Variants in POFUT3 observed in about 807,000 individuals in gnomAD.
POFUT3 encodes GDP-fucose protein O-fucosyltransferase 3.
chr8:33,416,847 A>AAAAG, the POFUT3 span, among the ~76,000 whole-genome samples: 26 of 151,652 alleles, frequency 1.7e-4, no homozygotes, highest in East Asian at 3.9e-4. Flanking sequence ...AAAAAAAAAA[A>AAAAG]AAAGAAAGAA....
the POFUT3 span, among the ~76,000 whole-genome samples, chr8:33,418,877 A>G: frequency 2.0e-5 from 3 of 152,194 alleles, no homozygotes; most frequent in African/African-American, 4.8e-5. Context: ...TATACACAAT[A>G]TAATACTATT....
the POFUT3 span, among the ~76,000 whole-genome samples, chr8:33,401,191 C>G: frequency 6.6e-6 from 1 of 152,084 alleles, no homozygotes; most frequent in African/African-American, 2.4e-5. Context: ...CTTTGTTGTC[C>G]AGGCGGCTGG....
At chr8:33,359,765 G>A in the POFUT3 span, among the ~76,000 whole-genome samples, 1 of 152,136 alleles carries the variant, frequency 6.6e-6, no homozygotes, top group Non-Finnish European at 1.5e-5. Context: ...CAGCACTTTG[G>A]GAGGCCGAGG....
the POFUT3 span, among the ~76,000 whole-genome samples, chr8:33,429,720 G>T: frequency 6.6e-6 from 1 of 152,158 alleles, no homozygotes; most frequent in Admixed American, 6.5e-5. Flanking sequence ...AATGGGCCAG[G>T]CATGGTGACT....
At chr8:33,309,161 AAAAAAAATATATAT>A in the POFUT3 span, among the ~76,000 whole-genome samples, 6 of 58,816 alleles carry the variant, frequency 1.0e-4, no homozygotes, top group Non-Finnish European at 1.3e-4. Context: ...AAAAAAAAAA[AAAAAAAATATATAT>A]ATATATATAT....
chr8:33,418,411 CTTTT>C, the POFUT3 span, among the ~76,000 whole-genome samples: 20 of 126,530 alleles, frequency 1.6e-4, no homozygotes, highest in Admixed American at 1.6e-4. Flanking sequence ...AAAGGGAACT[CTTTT>C]TTTTTTTTTT....
chr8:33,372,661 T>C, the POFUT3 span: 1 of 1,614,076 alleles, frequency 6.2e-7, no homozygotes, highest in African/African-American at 1.3e-5. Context: ...CCTGGGCTTC[T>C]TTCTTGGATT....
chr8:33,460,694 C>G, the POFUT3 span: 1 of 981,920 alleles, frequency 1.0e-6, no homozygotes, highest in South Asian at 4.7e-5. Context: ...CAGGAGCTTA[C>G]GAGAATCTCA....
chr8:33,349,391 G>A, the POFUT3 span, among the ~76,000 whole-genome samples: 2 of 152,138 alleles, frequency 1.3e-5, no homozygotes, highest in Non-Finnish European at 2.9e-5. Flanking sequence ...CACCTGACCA[G>A]CGTACGCTGT....
At chr8:33,432,300 G>T in the POFUT3 span, among the ~76,000 whole-genome samples, 1 of 151,704 alleles carries the variant, frequency 6.6e-6, no homozygotes, top group African/African-American at 2.4e-5. Flanking sequence ...CCAGCTACTC[G>T]GGAGGCTGAG....
the POFUT3 span, among the ~76,000 whole-genome samples, chr8:33,465,349 G>C: frequency 6.6e-6 from 1 of 151,080 alleles, no homozygotes; most frequent in African/African-American, 2.5e-5. Flanking sequence ...AGTTCCCAAG[G>C]AAGCTGAGCC....
chr8:33,366,685 G>C, the POFUT3 span, among the ~76,000 whole-genome samples: 4 of 152,128 alleles, frequency 2.6e-5, no homozygotes, highest in Non-Finnish European at 4.4e-5. Flanking sequence ...TTCACTTTTC[G>C]CTTGAAAGCT....
At chr8:33,341,452 G>C in the POFUT3 span, among the ~76,000 whole-genome samples, 1 of 143,410 alleles carries the variant, frequency 7.0e-6, no homozygotes, top group Admixed American at 7.0e-5. Flanking sequence ...AAAAAAAAAA[G>C]AAAAAGAAAG....
the POFUT3 span, among the ~76,000 whole-genome samples, chr8:33,331,894 G>A: frequency 6.6e-6 from 1 of 151,102 alleles, no homozygotes; most frequent in East Asian, 2.0e-4. Flanking sequence ...AGCCAGGATG[G>A]TCTAGATCTC....
the POFUT3 span, among the ~76,000 whole-genome samples, chr8:33,353,251 G>A: frequency 1.7e-4 from 26 of 152,248 alleles, no homozygotes; most frequent in South Asian, 5.4e-3. Context: ...AAGCAGACAG[G>A]GATCCCTTCC....
the POFUT3 span, chr8:33,394,250 TG>T: frequency 5.0e-6 from 1 of 199,550 alleles, no homozygotes; most frequent in Non-Finnish European, 1.0e-5. Flanking sequence ...TGATTCTTCT[TG>T]GGACCTGGCA....
At chr8:33,392,945 C>A in the POFUT3 span, among the ~76,000 whole-genome samples, 1 of 152,080 alleles carries the variant, frequency 6.6e-6, no homozygotes, top group Admixed American at 6.6e-5. Context: ...TGCACCACTG[C>A]ATTCCCTCCT....
At chr8:33,318,394 G>C in the POFUT3 span, among the ~76,000 whole-genome samples, 1 of 147,026 alleles carries the variant, frequency 6.8e-6, no homozygotes, top group Admixed American at 7.3e-5. Context: ...AAAGAGTGAG[G>C]GGAAGGCAAG....
chr8:33,310,217 G>A, the POFUT3 span, among the ~76,000 whole-genome samples: 11 of 152,034 alleles, frequency 7.2e-5, no homozygotes, highest in Non-Finnish European at 1.6e-4. Context: ...ACTCACAGCT[G>A]CTGAGATTTT....
Sources: gnomAD v4.1 joint callset for allele counts (sites outside exome capture counted in the v4.1 genomes callset) on GRCh38, gnomAD v4.1.1 for gene constraint, MANE v1.5 for transcripts, NCBI Gene and HGNC (gene_info 2026-07-23, HGNC 2026-07-21) for gene names.